The following ECE1 variants were observed in gnomAD, a reference collection of about 807,000 sequenced individuals.
The protein encoded by ECE1 is endothelin-converting enzyme 1.
A neutral mutation model predicts 98.6 loss-of-function variants in ECE1; 35 were observed. The ratio of observed to expected loss-of-function variants is 0.35; its 90% CI spans 0.27 to 0.47. The LOEUF is 0.47. ECE1 is among the 20% of genes least tolerant of loss of function. The probability of loss-of-function intolerance (pLI) is 1.00; values close to 1 mark genes in which losing one functional copy is unlikely to be tolerated. For missense variants in ECE1, 814 were observed against 1,025.3 expected (o/e 0.79, Z 2.81); for synonymous variants, 394 against 407.1 (o/e 0.97, Z 0.39).
chr1:21,321,371 A>T (rs759570557), intron 1 of ECE1, among the ~76,000 whole-genome samples: 2 of 152,214 alleles, frequency 1.3e-5, no homozygotes, highest in Non-Finnish European at 2.9e-5. Flanking sequence ...TGTGAATAAC[A>T]TAAGAGGAAT....
intron 1 of ECE1, among the ~76,000 whole-genome samples, chr1:21,324,814 C>T (rs1444178615): frequency 6.6e-6 from 1 of 152,194 alleles, no homozygotes; most frequent in Non-Finnish European, 1.5e-5. Context: ...CCTTCCCCAA[C>T]CGAGTGTGTC....
chr1:21,244,200 C>T (rs570934880), intron 10 of ECE1, among the ~76,000 whole-genome samples: 20 of 152,206 alleles, frequency 1.3e-4, no homozygotes, highest in East Asian at 5.8e-4. Context: ...TGCTCTGTAG[C>T]GGGGCCTCTT....
chr1:21,297,711 A>AT (rs60592703), intron 1 of ECE1, among the ~76,000 whole-genome samples: 16,122 of 150,056 alleles, frequency 0.11, 1,126 homozygotes, highest in East Asian at 0.39. Flanking sequence ...TAATTTTTGT[A>AT]TTTTTAGTAG....
intron 1 of ECE1, among the ~76,000 whole-genome samples, chr1:21,320,411 T>C (rs566837869): frequency 8.0e-6 from 1 of 124,784 alleles, no homozygotes; most frequent in Non-Finnish European, 1.6e-5. Flanking sequence ...GCTGGAGAAA[T>C]AAGCTTTTTA....
intron 14 of ECE1, among the ~76,000 whole-genome samples, chr1:21,228,873 C>T (rs1397895990): frequency 1.4e-5 from 2 of 140,080 alleles, no homozygotes; most frequent in Non-Finnish European, 3.1e-5. Context: ...ACGGAGCTCA[C>T]TCTGTCACCC....
intron 12 of ECE1, 108 bp downstream of exon 12, chr1:21,236,637 GA>G (rs2098188504): frequency 4.5e-6 from 5 of 1,112,626 alleles, no homozygotes; most frequent in Non-Finnish European, 6.8e-6. Context: ...TAACAAGAAC[GA>G]AACTCTGCCT....
At chr1:21,236,630 C>G in intron 12 of ECE1, 116 bp downstream of exon 12, 1 of 1,043,144 alleles carries the variant, frequency 9.6e-7, no homozygotes, top group Non-Finnish European at 1.5e-6. Context: ...GCCTGGGTAA[C>G]AAGAACGAAA....
intron 1 of ECE1, among the ~76,000 whole-genome samples, chr1:21,333,861 AG>A (rs1639256363): frequency 6.6e-6 from 1 of 152,158 alleles, no homozygotes; most frequent in African/African-American, 2.4e-5. Context: ...GGAGCCACAA[AG>A]GTAATAACAG....
At chr1:21,227,027 T>A in intron 16 of ECE1, 132 bp downstream of exon 16, 2 of 635,044 alleles carry the variant, frequency 3.1e-6, no homozygotes, top group Admixed American at 2.4e-5. Flanking sequence ...CACAGCCTAA[T>A]TTTTTTTTTA....
At chr1:21,252,649 G>A (rs1180984073) in intron 8 of ECE1, among the ~76,000 whole-genome samples, 1 of 152,242 alleles carries the variant, frequency 6.6e-6, no homozygotes, top group African/African-American at 2.4e-5. Context: ...TTCAGACTCT[G>A]CTGGGGACTA....
At chr1:21,333,569 C>T (rs779597355) in intron 1 of ECE1, among the ~76,000 whole-genome samples, 3 of 152,196 alleles carry the variant, frequency 2.0e-5, no homozygotes, top group African/African-American at 2.4e-5. Flanking sequence ...CAGTGGCTCA[C>T]GCCCATAATC....
chr1:21,267,173 C>T (rs1174160352), intron 4 of ECE1: 1 of 152,328 alleles, frequency 6.6e-6, no homozygotes, highest in Admixed American at 6.5e-5. Context: ...TTAACAGACA[C>T]TGAACAAGCC....
intron 14 of ECE1, among the ~76,000 whole-genome samples, chr1:21,232,467 T>C (rs77055037): frequency 2.6e-5 from 4 of 151,738 alleles, no homozygotes; most frequent in African/African-American, 9.7e-5. Flanking sequence ...TCCAGCTAAT[T>C]TTAAAAATTT....
Position 21,345,386 on chromosome 1 carries a change from G to T in ECE1, c.-8C>A. The stretch of plus-strand genomic sequence containing the variant: ...GCGCGCAGCACTCACCATAGCTCGC[G>T]TGCTCCGCCCCGGCTTCGCGCAGCT... On this transcript the variant is annotated 5_prime_UTR_variant, in exon 1 of 19. Transcript: ENST00000415912. The surrounding 1 kb of genome is among the most constrained non-coding windows in gnomAD (Gnocchi z 5.1). The T allele has an allele frequency of 7.5e-7, 1 of 1,340,698 alleles. No homozygotes were observed. The allele number at this position is 1,340,698 out of a possible 1,614,324, so 83.1% of individuals were successfully genotyped here. A position where few individuals can be genotyped will look rare whatever the true frequency, so the allele number is the denominator to read the frequency against.
intron 4 of ECE1, among the ~76,000 whole-genome samples, chr1:21,270,455 A>G (rs2103318091): frequency 6.6e-6 from 1 of 152,342 alleles, no homozygotes; most frequent in Non-Finnish European, 1.5e-5. Flanking sequence ...GACAGAGGAA[A>G]GGGCACAAGA....
At chr1:21,221,947 A>G in intron 17 of ECE1, 105 bp from the exon 18 acceptor site, 1 of 1,002,766 alleles carries the variant, frequency 1.0e-6, no homozygotes, top group Non-Finnish European at 1.6e-6. Flanking sequence ...GGCAAGGACT[A>G]GTTTCTGGGG....
intron 2 of ECE1, among the ~76,000 whole-genome samples, chr1:21,280,983 G>A (rs2098253806): frequency 6.6e-6 from 1 of 152,200 alleles, no homozygotes; most frequent in East Asian, 1.9e-4. Flanking sequence ...GAGGTCAGGA[G>A]TTCAAGACCA....
chr1:21,269,997 C>T (rs1268576262), intron 4 of ECE1, among the ~76,000 whole-genome samples: 1 of 152,196 alleles, frequency 6.6e-6, no homozygotes, highest in Non-Finnish European at 1.5e-5. Context: ...TCAATCTTGG[C>T]TCAGACCTAA....
intron 10 of ECE1, among the ~76,000 whole-genome samples, chr1:21,240,980 A>G (rs2103250334): frequency 6.6e-6 from 1 of 152,356 alleles, no homozygotes; most frequent in East Asian, 1.9e-4. Context: ...GAAGCTAGAG[A>G]TGAATCAACA....
Sources: allele counts gnomAD v4.1 joint callset (sites outside exome capture counted in the v4.1 genomes callset), GRCh38; gene constraint gnomAD v4.1.1; non-coding constraint Gnocchi (gnomAD v3.1); transcripts MANE v1.5; gene names NCBI Gene and HGNC (gene_info 2026-07-23, HGNC 2026-07-21).